Variants in DDC observed in about 807,000 individuals in gnomAD.
DDC encodes aromatic-L-amino-acid decarboxylase.
Under a neutral mutation model 60.0 loss-of-function variants are expected in DDC, and 43 were observed. That is an observed-to-expected ratio of 0.72 (90% CI 0.56 to 0.92). DDC has a LOEUF of 0.92. Ranked by LOEUF, DDC falls within the 40% of genes least tolerant of loss-of-function variation. The pLI is 0.00. For missense variants in DDC, 573 were observed against 620.2 expected, an observed-to-expected ratio of 0.92 and a Z score of 0.81; for synonymous variants, 232 against 234.6, an observed-to-expected ratio of 0.99 and a Z score of 0.10.
At chr7:50,503,667 GT>G (rs1257852981) in intron 7 of DDC, among the ~76,000 whole-genome samples, 2 of 152,210 alleles carry the variant, frequency 1.3e-5, no homozygotes, top group Non-Finnish European at 2.9e-5. Flanking sequence ...ACATATGAAG[GT>G]GGTTACTCTA....
At chr7:50,519,261 G>A (rs2043822655) in intron 6 of DDC, among the ~76,000 whole-genome samples, 1 of 152,184 alleles carries the variant, frequency 6.6e-6, no homozygotes. Context: ...GCATGGATGT[G>A]GTGATCCAGG....
At chr7:50,488,920 C>T (rs924163854) in intron 9 of DDC, among the ~76,000 whole-genome samples, 12 of 152,104 alleles carry the variant, frequency 7.9e-5, no homozygotes, top group Admixed American at 1.3e-4. Context: ...TAACTTTTTC[C>T]CCTCTGGTTC....
chr7:50,488,853 C>T (rs1049536093), intron 9 of DDC, among the ~76,000 whole-genome samples: 2 of 152,186 alleles, frequency 1.3e-5, no homozygotes, highest in African/African-American at 4.8e-5. Flanking sequence ...TTTCAGCTTT[C>T]TCTCCCCTTC....
intron 6 of DDC, among the ~76,000 whole-genome samples, chr7:50,510,744 G>C (rs1204202724): frequency 6.6e-6 from 1 of 151,420 alleles, no homozygotes; most frequent in Non-Finnish European, 1.5e-5. Flanking sequence ...CACTTTGGGA[G>C]GCCAAGGCGG....
intron 6 of DDC, among the ~76,000 whole-genome samples, chr7:50,504,792 C>T (rs1352390007): frequency 6.6e-6 from 1 of 152,138 alleles, no homozygotes; most frequent in Non-Finnish European, 1.5e-5. Context: ...AGTCTCCCTC[C>T]AGCAGGGCCC....
chr7:50,512,720 C>T lies in DDC; in HGVS notation c.715-8661G>A, dbSNP rs138977670. On this transcript the variant is annotated intron_variant, in intron 6 of 14. Coordinates refer to ENST00000444124, the MANE Select transcript of DDC (RefSeq NM_001082971.2). ...GTGGTGGCCATTGTTGTACACCCTG[C>T]CCATTGCTGCAAGACCCACCTTATC... Among the ~76,000 whole-genome samples the T allele has an allele frequency of 1.8e-3, 277 of 152,310 alleles. 3 individuals carry two copies. The highest frequency in any genetic ancestry group is 9.1e-3 in the East Asian group (47 of 5,184).
At chr7:50,496,380 C>A (rs11575410) in intron 8 of DDC, among the ~76,000 whole-genome samples, 14,445 of 152,184 alleles carry the variant, frequency 0.095, 1,060 homozygotes, top group South Asian at 0.12. Context: ...TGAGCCACTG[C>A]ACCCCGACCA....
intron 6 of DDC, among the ~76,000 whole-genome samples, chr7:50,510,059 C>T (rs193230601): frequency 4.6e-5 from 7 of 152,214 alleles, no homozygotes; most frequent in African/African-American, 1.7e-4. Context: ...CAAGCTCCGC[C>T]TCCCGGGGTT....
intron 8 of DDC, among the ~76,000 whole-genome samples, chr7:50,498,382 T>A (rs1585186723): frequency 6.6e-6 from 1 of 152,198 alleles, no homozygotes; most frequent in Non-Finnish European, 1.5e-5. Flanking sequence ...CTTTGCTACC[T>A]CCTTCTCTTG....
intron 1 of DDC, among the ~76,000 whole-genome samples, chr7:50,552,839 C>T (rs549775406): frequency 2.0e-5 from 3 of 152,242 alleles, no homozygotes; most frequent in East Asian, 3.9e-4. Context: ...ATCACCAGCC[C>T]CTCACATATT....
intron 4 of DDC, among the ~76,000 whole-genome samples, chr7:50,530,049 G>C (rs921795628): frequency 6.6e-6 from 1 of 152,090 alleles, no homozygotes; most frequent in Non-Finnish European, 1.5e-5. Flanking sequence ...TTGAGCCCCG[G>C]AGTTCGAGAC....
intron 1 of DDC, among the ~76,000 whole-genome samples, chr7:50,560,108 G>A (rs1407834783): frequency 6.6e-6 from 1 of 152,110 alleles, no homozygotes; most frequent in African/African-American, 2.4e-5. Flanking sequence ...TGGGGTCACC[G>A]CACGCTGCCA....
intron 4 of DDC, among the ~76,000 whole-genome samples, chr7:50,532,121 G>A (rs1393989913): frequency 6.6e-6 from 1 of 152,200 alleles, no homozygotes; most frequent in Admixed American, 6.5e-5. Flanking sequence ...TTACAGCTCT[G>A]AGGGGATCAA....
At chr7:50,527,058 T>C (rs1232298101) in intron 6 of DDC, among the ~76,000 whole-genome samples, 1 of 152,234 alleles carries the variant, frequency 6.6e-6, no homozygotes, top group Non-Finnish European at 1.5e-5. Context: ...AATTTGCATT[T>C]CTTTGGTTAT....
At chr7:50,505,737 T>C (rs1479746455) in intron 6 of DDC, among the ~76,000 whole-genome samples, 1 of 152,228 alleles carries the variant, frequency 6.6e-6, no homozygotes, top group Non-Finnish European at 1.5e-5. Flanking sequence ...ACCAGAGTTT[T>C]CCATGCCAAA....
chr7:50,482,747 C>T (rs1425723490), intron 9 of DDC, among the ~76,000 whole-genome samples: 1 of 152,138 alleles, frequency 6.6e-6, no homozygotes, highest in Non-Finnish European at 1.5e-5. Flanking sequence ...TAAATCTGAA[C>T]AGGTTTGGAT....
chr7:50,478,572 C>G (rs932711890), intron 10 of DDC, among the ~76,000 whole-genome samples: 1 of 152,172 alleles, frequency 6.6e-6, no homozygotes, highest in African/African-American at 2.4e-5. Context: ...TCTGCTTCTC[C>G]GTGAATCTGC....
chr7:50,551,354 C>T (rs2044987442), intron 1 of DDC, among the ~76,000 whole-genome samples: 1 of 151,910 alleles, frequency 6.6e-6, no homozygotes, highest in Non-Finnish European at 1.5e-5. Flanking sequence ...CCTTGACCTC[C>T]TGAGTAGGTG....
chr7:50,534,528 C>T (rs1052715277), intron 4 of DDC, among the ~76,000 whole-genome samples: 4 of 151,906 alleles, frequency 2.6e-5, no homozygotes, highest in Non-Finnish European at 5.9e-5. Flanking sequence ...AACCGGGAGG[C>T]AGTGGTTGCA....
Sources: allele counts gnomAD v4.1 joint callset (sites outside exome capture counted in the v4.1 genomes callset), GRCh38; gene constraint gnomAD v4.1.1; transcripts MANE v1.5; gene names NCBI Gene and HGNC (gene_info 2026-07-23, HGNC 2026-07-21).